The following ZDHHC8 variants were observed in gnomAD, a reference collection of about 807,000 sequenced individuals.
The protein encoded by ZDHHC8 is palmitoyltransferase ZDHHC8.
A neutral mutation model predicts 61.2 loss-of-function variants in ZDHHC8; 24 were observed. The observed-to-expected ratio is 0.39, with a 90% confidence interval of 0.28 to 0.55. The LOEUF (loss-of-function observed/expected upper bound fraction) is 0.55. Among genes scored for constraint, ZDHHC8 ranks in the 20% least tolerant of loss-of-function variants. The pLI is 0.60. For synonymous variants in ZDHHC8, 523 were observed against 492.5 expected, an observed-to-expected ratio of 1.06 and a Z score of -0.82; for missense variants, 935 against 1,102.1, an observed-to-expected ratio of 0.85 and a Z score of 2.15.
intron 1 of ZDHHC8, 96 bp from the exon 2 acceptor site, chr22:20,139,098 G>T: frequency 6.6e-7 from 1 of 1,508,738 alleles, no homozygotes; most frequent in South Asian, 1.3e-5. Context: ...CTCTGAGGGT[G>T]ACCTTGCAGG....
chr22:20,140,379 C>T lies in ZDHHC8; in HGVS notation c.660+162C>T, dbSNP rs1293305790. 42 of 803,406 alleles carry T rather than the reference C, an allele frequency of 5.2e-5. 1 individual carries two copies. The highest frequency in any genetic ancestry group is 3.5e-4 in the Middle Eastern group (1 of 2,884). The allele number at this position is 803,406 out of a possible 1,614,324, so 49.8% of individuals were successfully genotyped here. ...CCCCCACGTGGGGCTACGCCTGCCC[C>T]GTCCCCTGCGCACATCCTGCCTGTG... On this transcript the variant is annotated intron_variant, in intron 5 of 10. Coordinates refer to ENST00000334554, the MANE Select transcript of ZDHHC8 (RefSeq NM_013373.4).
intron 9 of ZDHHC8, 131 bp from the exon 10 acceptor site, chr22:20,142,625 A>C: frequency 8.3e-7 from 1 of 1,208,134 alleles, no homozygotes. Flanking sequence ...ATGGGTCACT[A>C]TGTGGCTCTT....
In ZDHHC8 at chr22:20,145,983, A is replaced by ACGGC. The variant is rs1173463919; in HGVS notation, c.*585_*588dup. Reference sequence around the variant, plus strand: ...TGGGTGGTGGTGGATAGGTGGACAGACGGCCAGCCAGCCAGCTGTGGCCGG... The same window carrying ACGGC: ...TGGGTGGTGGTGGATAGGTGGACAGACGGCCGGCCAGCCAGCCAGCTGTGGCCGG... On this transcript the variant is annotated 3_prime_UTR_variant, in exon 11 of 11. Transcript: ENST00000334554. 6 of 985,658 alleles carry ACGGC rather than the reference A, an allele frequency of 6.1e-6. No individual in the cohort carries two copies. Among genetic ancestry groups the ACGGC allele is most frequent in the Non-Finnish European group, 7.2e-6 (6 of 830,008 alleles). 61.1% of individuals were successfully genotyped at this position (985,658 alleles called of 1,614,324 possible).
In ZDHHC8 at chr22:20,143,526, C is replaced by T. The variant is rs1294213201; in HGVS notation, c.1896C>T (p.Ser632=). The change falls in exon 10 of 11, where the codon TCC becomes TCT. Residue 632 remains serine (S), a synonymous_variant. Transcript: ENST00000334554. ...PALQTSLSSL[S]SSVSRAPRTS... The stretch of plus-strand genomic sequence containing the variant: ...TGCAGACGTCACTGTCCTCGCTGTC[C>T]AGCTCCGTGAGCCGTGCACCGCGGA... 1.9e-6 allele frequency: 3 copies of T among 1,599,638 alleles called. No homozygotes were observed. The highest frequency in any genetic ancestry group is 1.7e-5 in the Admixed American group (1 of 59,680).
Position 20,145,355 on chromosome 22 carries a change from G to C in ZDHHC8, c.2253G>C (p.Lys751Asn), listed in dbSNP as rs1331768193. 1 of 1,582,562 alleles carries C rather than the reference G, an allele frequency of 6.3e-7. No individual in the cohort carries two copies. The highest frequency in any genetic ancestry group is 8.6e-7 in the Non-Finnish European group (1 of 1,165,868). Reference sequence around the variant, plus strand: ...GCCCTACACGGCACACGCTGGTTAAGAAGGTGTCCGGCGTGGGTGGGACCA... The same window carrying C: ...GCCCTACACGGCACACGCTGGTTAACAAGGTGTCCGGCGTGGGTGGGACCA... ...SASPTRHTLV[K>N]KVSGVGGTTY... Residue 751 changes from lysine (K) to asparagine (N), a missense_variant, in exon 11 of 11, where the codon AAG becomes AAC. This residue lies in a region of ZDHHC8 where 692 missense variants were observed against 731.4 expected (regional missense o/e 0.95). Coordinates refer to ENST00000334554, the MANE Select transcript of ZDHHC8 (RefSeq NM_013373.4).
chr22:20,141,002 G>A lies in ZDHHC8; in HGVS notation c.884G>A (p.Gly295Asp), dbSNP rs1357750925. ...GACAACGGGCTGAAGGCTGGCCTGG[G>A]CCGTAGCAAGGTGGGCGCCTGGGCT... ...LSDNGLKAGL[G>D]RSKSKGSLDR... is the part of the protein sequence containing the mutation. The change falls in exon 7 of 11, where the codon GGC (glycine) becomes GAC (aspartate). Residue 295 changes from glycine to aspartate, a missense_variant. By Grantham distance (94) the Gly-to-Asp change is moderately conservative. Coordinates refer to ENST00000334554, the MANE Select transcript of ZDHHC8 (RefSeq NM_013373.4). 1.2e-6 allele frequency: 2 copies of A among 1,610,996 alleles called. No individual in the cohort carries two copies. Among genetic ancestry groups the A allele is most frequent in the Non-Finnish European group, 1.7e-6 (2 of 1,179,970 alleles).
chr22:20,140,112 T>C lies in ZDHHC8; in HGVS notation c.558-3T>C. 6.2e-7 allele frequency: 1 copy of C among 1,613,734 alleles called. No individual in the cohort carries two copies. The highest frequency in any genetic ancestry group is 8.5e-7 in the Non-Finnish European group (1 of 1,180,010). On this transcript the variant is annotated splice_region_variant and splice_polypyrimidine_tract_variant and intron_variant, in intron 4 of 10. Coordinates refer to ENST00000334554, the MANE Select transcript of ZDHHC8 (RefSeq NM_013373.4). ...GCCTGCACCGTTGGCCTTAACGGGCTAGCATGGCTGTCATGTGTGTGGCCG... is the reference window on the plus strand; with the variant it reads ...GCCTGCACCGTTGGCCTTAACGGGCCAGCATGGCTGTCATGTGTGTGGCCG...
At chr22:20,140,816 C>T (rs2050461599) in intron 6 of ZDHHC8, 55 bp from the exon 7 acceptor site, 2 of 1,599,868 alleles carry the variant, frequency 1.3e-6, no homozygotes, top group South Asian at 1.1e-5. Flanking sequence ...GCCAGCCCTG[C>T]CCTTGTGTGT....
At position 20,139,788 on chromosome 22, in the gene ZDHHC8, G is replaced by A. The variant is rs1203573407; in HGVS notation, c.453G>A (p.Leu151=). The A allele has an allele frequency of 6.2e-7, 1 of 1,613,206 alleles. No individual in the cohort carries two copies. Among genetic ancestry groups the A allele is most frequent in the South Asian group, 1.1e-5 (1 of 91,084 alleles). Residue 151 remains leucine, a synonymous_variant, in exon 4 of 11, where the codon CTG becomes CTA. Coordinates refer to ENST00000334554, the MANE Select transcript of ZDHHC8 (RefSeq NM_013373.4). Reference sequence around the variant, plus strand: ...GTCGAAACTATCGCTACTTCTTCCTGTTCCTGCTGTCACTCAGTGCACACA... The same window carrying A: ...GTCGAAACTATCGCTACTTCTTCCTATTCCTGCTGTCACTCAGTGCACACA... ...IGRRNYRYFF[L]FLLSLSAHMV... is the part of the protein sequence containing the mutation.
At chr22:20,134,212 C>T (rs1004803206) in intron 1 of ZDHHC8, among the ~76,000 whole-genome samples, 1 of 152,230 alleles carries the variant, frequency 6.6e-6, no homozygotes, top group Non-Finnish European at 1.5e-5. Context: ...GTTTGATGTG[C>T]AGTGGCCACC....
intron 1 of ZDHHC8, 104 bp from the exon 2 acceptor site, chr22:20,139,090 C>G (rs2050444935): frequency 2.7e-6 from 4 of 1,497,058 alleles, no homozygotes; most frequent in South Asian, 1.3e-5. Context: ...CCTCTGAGCT[C>G]TGAGGGTGAC....
chr22:20,147,272 A>G lies in ZDHHC8; in HGVS notation c.*1872A>G, dbSNP rs757012323. On this transcript the variant is annotated 3_prime_UTR_variant, in exon 11 of 11. Coordinates refer to ENST00000334554, the MANE Select transcript of ZDHHC8 (RefSeq NM_013373.4). ...GCGGCTCTGGGGCCCAGGACAGCCCAGCTGGGGACCCAGGAGGTCAGACTG... is the reference window on the plus strand; with the variant it reads ...GCGGCTCTGGGGCCCAGGACAGCCCGGCTGGGGACCCAGGAGGTCAGACTG... The G allele has an allele frequency of 3.3e-5, 46 of 1,404,204 alleles. No individual in the cohort carries two copies. The highest frequency in any genetic ancestry group is 3.9e-5 in the Non-Finnish European group (42 of 1,078,024). The allele number at this position is 1,404,204 out of a possible 1,614,324, so 87.0% of individuals were successfully genotyped here. A position where few individuals can be genotyped will look rare whatever the true frequency, so the allele number is the denominator to read the frequency against.
chr22:20,139,854 C>T lies in ZDHHC8; in HGVS notation c.519C>T (p.Asn173=). 6.4e-7 allele frequency: 1 copy of T among 1,554,906 alleles called. No homozygotes were observed. ...VVAFGLVYVL[N]HAEGLGAAHT... is the part of the protein sequence containing the mutation. ...CCTTCGGCCTGGTCTACGTGCTGAACCACGCTGAGGGGCTGGGAGCCGCGC... is the reference window on the plus strand; with the variant it reads ...CCTTCGGCCTGGTCTACGTGCTGAATCACGCTGAGGGGCTGGGAGCCGCGC... Residue 173 remains asparagine (N), a synonymous_variant, in exon 4 of 11, where the codon AAC becomes AAT. Transcript: ENST00000334554.
In ZDHHC8 at chr22:20,143,744, T is replaced by G; in HGVS notation, c.2114T>G (p.Leu705Arg). The change falls in exon 10 of 11, where the codon CTG (leucine) becomes CGG (arginine). Residue 705 changes from leucine (L) to arginine (R), a missense_variant. Physicochemically the swap from Leu to Arg is moderately radical, Grantham distance 102. Coordinates refer to ENST00000334554, the MANE Select transcript of ZDHHC8 (RefSeq NM_013373.4). ...HTDLPEPPPS[L>R]TVQRDHPQLK... ...GACCTCCCAGAGCCACCGCCCTCGCTGACCGTGCAGAGGTGGGTGCCGGGA... is the reference window on the plus strand; with the variant it reads ...GACCTCCCAGAGCCACCGCCCTCGCGGACCGTGCAGAGGTGGGTGCCGGGA... 6.2e-7 allele frequency: 1 copy of G among 1,608,300 alleles called. No homozygotes were observed. The highest frequency in any genetic ancestry group is 8.5e-7 in the Non-Finnish European group (1 of 1,179,434).
chr22:20,132,475 G>C (rs2050385486), intron 1 of ZDHHC8, among the ~76,000 whole-genome samples: 2 of 152,166 alleles, frequency 1.3e-5, no homozygotes, highest in South Asian at 4.1e-4. Context: ...TCTCCTCCTG[G>C]CTGCCCGCCC....
Position 20,141,385 on chromosome 22 carries a change from C to T in ZDHHC8, c.1016-36C>T, listed in dbSNP as rs768832648. The T allele has an allele frequency of 8.1e-6, 13 of 1,611,932 alleles. No individual in the cohort carries two copies. In the East Asian group the frequency reaches 1.3e-4, roughly 17 times the overall value. ...TAGGGAGGGATATGGGTTGACCCTCCTCTGACCTCAGTCTGACAGTGGTCT... is the reference window on the plus strand; with the variant it reads ...TAGGGAGGGATATGGGTTGACCCTCTTCTGACCTCAGTCTGACAGTGGTCT... On this transcript the variant is annotated intron_variant, in intron 8 of 10. Transcript: ENST00000334554.
chr22:20,135,860 G>A (rs1433773626), intron 1 of ZDHHC8, among the ~76,000 whole-genome samples: 2 of 152,242 alleles, frequency 1.3e-5, no homozygotes, highest in African/African-American at 4.8e-5. Flanking sequence ...AGCGCCCCAC[G>A]GGCGAGTGCC....
chr22:20,141,480 C>T lies in ZDHHC8; in HGVS notation c.1075C>T (p.Pro359Ser), dbSNP rs746878634. 1.2e-6 allele frequency: 2 copies of T among 1,613,280 alleles called. No individual in the cohort carries two copies. The highest frequency in any genetic ancestry group is 1.7e-6 in the Non-Finnish European group (2 of 1,179,928). Reference protein sequence around the residue: ...PPTPAMYKFRPAFPTGPKVPF... With the variant: ...PPTPAMYKFRSAFPTGPKVPF... ...GACACCTGCCATGTACAAGTTTAGG[C>T]CGGCTTTCCCCACGGGTCCCAAGGT... The change falls in exon 9 of 11, where the codon CCG (proline) becomes TCG (serine). Residue 359 changes from proline (P) to serine (S), a missense_variant. Physicochemically the swap from Pro to Ser is moderately conservative, Grantham distance 74. Coordinates refer to ENST00000334554, the MANE Select transcript of ZDHHC8 (RefSeq NM_013373.4).
rs1216769834 is a variant in ZDHHC8, at chr22:20,140,140, C to T, written c.583C>T (p.Leu195Phe). 6.2e-7 allele frequency: 1 copy of T among 1,613,630 alleles called. No individual in the cohort carries two copies. The highest frequency in any genetic ancestry group is 8.5e-7 in the Non-Finnish European group (1 of 1,180,032). ...ITMAVMCVAG[L>F]FFIPVIGLTG... is the part of the protein sequence containing the mutation. ...CATGGCTGTCATGTGTGTGGCCGGC[C>T]TCTTCTTCATCCCTGTCATTGGCCT... Residue 195 changes from leucine to phenylalanine, a missense_variant, in exon 5 of 11, where the codon CTC (leucine) becomes TTC (phenylalanine). Physicochemically the swap from Leu to Phe is conservative, Grantham distance 22. This residue lies in a region of ZDHHC8 where 199 missense variants were observed against 334.0 expected (regional missense o/e 0.60). Transcript: ENST00000334554.
Sources: gnomAD v4.1 joint callset for allele counts (sites outside exome capture counted in the v4.1 genomes callset) on GRCh38, gnomAD v4.1.1 for gene constraint, gnomAD v4.1.1 regional missense constraint, MANE v1.5 for transcripts, NCBI Gene and HGNC (gene_info 2026-07-23, HGNC 2026-07-21) for gene names.